PHF20: variants seen among roughly 807,000 people sequenced by gnomAD.
The protein encoded by PHF20 is glioma-expressed antigen 2.
In PHF20, 23 loss-of-function variants were observed where a neutral mutation model predicts 113.5. The ratio of observed to expected loss-of-function variants is 0.20; its 90% confidence interval spans 0.15 to 0.29. PHF20 has a LOEUF of 0.29. Among genes scored for constraint, PHF20 ranks in the 10% least tolerant of loss-of-function variants. PHF20 has a pLI of 1.00. For synonymous variants in PHF20, 434 were observed against 457.3 expected, an observed-to-expected ratio of 0.95 and a Z score of 0.65; for missense variants, 943 against 1,219.6, an observed-to-expected ratio of 0.77 and a Z score of 3.38.
chr20:35,797,862 G>A (rs771324647), intron 1 of PHF20, among the ~76,000 whole-genome samples: 2 of 151,802 alleles, frequency 1.3e-5, no homozygotes, highest in Non-Finnish European at 2.9e-5. Flanking sequence ...ATGTTGGCTA[G>A]GATTGTCTCG....
intron 2 of PHF20, among the ~76,000 whole-genome samples, chr20:35,834,330 A>G (rs1475741899): frequency 2.9e-5 from 4 of 135,866 alleles, no homozygotes; most frequent in Non-Finnish European, 4.6e-5. Flanking sequence ...TCGGCTCACC[A>G]CAACCTCCAC....
chr20:35,874,560 A>G (rs1353643282), intron 9 of PHF20, among the ~76,000 whole-genome samples: 1 of 151,766 alleles, frequency 6.6e-6, no homozygotes, highest in East Asian at 2.0e-4. Context: ...CACAGCTCAG[A>G]GCAGCCTGGA....
At chr20:35,823,453 A>C (rs1164229235) in intron 2 of PHF20, among the ~76,000 whole-genome samples, 3 of 150,394 alleles carry the variant, frequency 2.0e-5, no homozygotes, top group African/African-American at 7.3e-5. Flanking sequence ...AAAAAAAAAA[A>C]ACCATAATAA....
At chr20:35,843,667 C>T (rs887124158) in intron 3 of PHF20, among the ~76,000 whole-genome samples, 4 of 152,058 alleles carry the variant, frequency 2.6e-5, no homozygotes, top group African/African-American at 9.7e-5. Context: ...ACTGCAGCCT[C>T]AATCTCCCAG....
chr20:35,829,156 C>T (rs2042314142), intron 2 of PHF20, among the ~76,000 whole-genome samples: 1 of 152,014 alleles, frequency 6.6e-6, no homozygotes. Context: ...CCTGACTTAC[C>T]CTAGAACAGG....
chr20:35,863,429 G>A, intron 6 of PHF20, 29 bp downstream of exon 6: 7 of 1,551,816 alleles, frequency 4.5e-6, no homozygotes, highest in Non-Finnish European at 6.1e-6. Context: ...CTCTGCAATG[G>A]GCAATGCCAG....
chr20:35,777,452 A>C (rs1429548818), intron 1 of PHF20, among the ~76,000 whole-genome samples: 1 of 152,154 alleles, frequency 6.6e-6, no homozygotes, highest in African/African-American at 2.4e-5. Context: ...GTCTTCCTGG[A>C]TTGTAAAGGT....
intron 1 of PHF20, chr20:35,782,257 G>GTTTTTTTTTTTTTTTTT (rs1398951271): frequency 3.1e-5 from 2 of 64,114 alleles, no homozygotes; most frequent in Non-Finnish European, 7.1e-5. Flanking sequence ...TCTTTTTCTT[G>GTTTTTTTTTTTTTTTTT]TTTTGTTTTT....
chr20:35,876,556 C>T (rs1196065748), intron 9 of PHF20, among the ~76,000 whole-genome samples: 4 of 151,906 alleles, frequency 2.6e-5, no homozygotes, highest in African/African-American at 4.8e-5. Context: ...GGTGACAGAG[C>T]GAGACTCTAT....
intron 1 of PHF20, among the ~76,000 whole-genome samples, chr20:35,799,426 A>G (rs963122425): frequency 6.6e-6 from 1 of 150,922 alleles, no homozygotes; most frequent in African/African-American, 2.4e-5. Context: ...TGATAGCGCC[A>G]CTGCATTCCA....
chr20:35,851,469 G>A (rs2425166), intron 4 of PHF20, among the ~76,000 whole-genome samples: 38,537 of 152,020 alleles, frequency 0.25, 5,686 homozygotes, highest in African/African-American at 0.41. Context: ...GGCTGATACT[G>A]TGTGAACAGC....
intron 7 of PHF20, among the ~76,000 whole-genome samples, chr20:35,870,085 A>G (rs1442792294): frequency 6.6e-6 from 1 of 151,622 alleles, no homozygotes; most frequent in Non-Finnish European, 1.5e-5. Flanking sequence ...TGGGCAGATC[A>G]TGAGGACGGG....
intron 2 of PHF20, among the ~76,000 whole-genome samples, chr20:35,808,257 TTTCC>T (rs1051430295): frequency 6.6e-6 from 1 of 152,218 alleles, no homozygotes; most frequent in Non-Finnish European, 1.5e-5. Context: ...ACTTTTTTTC[TTTCC>T]TTCCCGTTTT....
At chr20:35,898,460 G>A (rs1438563721) in intron 9 of PHF20, among the ~76,000 whole-genome samples, 1 of 152,010 alleles carries the variant, frequency 6.6e-6, no homozygotes, top group African/African-American at 2.4e-5. Context: ...TTTTGAGACA[G>A]AGTCTGGCTC....
chr20:35,839,158 A>T (rs1261358178), intron 2 of PHF20, among the ~76,000 whole-genome samples: 1 of 151,908 alleles, frequency 6.6e-6, no homozygotes, highest in African/African-American at 2.4e-5. Context: ...TGGGAGGCCG[A>T]GGGGGGCGGA....
intron 15 of PHF20, among the ~76,000 whole-genome samples, chr20:35,935,481 C>T (rs2055846828): frequency 6.6e-6 from 1 of 152,244 alleles, no homozygotes; most frequent in Admixed American, 6.5e-5. Context: ...ATTCTTATGC[C>T]TCAGCCTCCC....
At chr20:35,844,174 C>G (rs543099139) in intron 3 of PHF20, among the ~76,000 whole-genome samples, 32 of 152,110 alleles carry the variant, frequency 2.1e-4, no homozygotes, top group African/African-American at 7.5e-4. Context: ...TCGATCTCAC[C>G]TCACTGCAAC....
intron 2 of PHF20, among the ~76,000 whole-genome samples, chr20:35,832,706 A>G (rs1045339816): frequency 1.3e-5 from 2 of 152,086 alleles, no homozygotes; most frequent in Non-Finnish European, 2.9e-5. Flanking sequence ...TGTGTGTTGT[A>G]ACGTAGGGCC....
At chr20:35,843,663 G>A (rs2042571885) in intron 3 of PHF20, among the ~76,000 whole-genome samples, 1 of 151,898 alleles carries the variant, frequency 6.6e-6, no homozygotes, top group Non-Finnish European at 1.5e-5. Flanking sequence ...GCTCACTGCA[G>A]CCTCAATCTC....
Sources: allele counts gnomAD v4.1 joint callset (sites outside exome capture counted in the v4.1 genomes callset), GRCh38; gene constraint gnomAD v4.1.1; transcripts MANE v1.5; gene names NCBI Gene and HGNC (gene_info 2026-07-23, HGNC 2026-07-21).